CREB5: variants seen among roughly 807,000 people sequenced by gnomAD.
CREB5 encodes the protein cAMP responsive element binding protein 5.
CREB5 carries 19 observed loss-of-function variants against 57.1 expected under a neutral mutation model. The observed-to-expected ratio is 0.33, with a 90% CI of 0.23 to 0.49. The LOEUF is 0.49. Ranked by LOEUF, CREB5 falls within the 20% of genes least tolerant of loss-of-function variation. The pLI, the probability that CREB5 is intolerant of heterozygous loss-of-function variation, is 0.99. For synonymous variants in CREB5, 238 were observed against 238.3 expected (o/e 1.00, Z 0.01); for missense variants, 579 against 671.6 (o/e 0.86, Z 1.52).
chr7:28,768,040 A>G (rs1267626167), intron 7 of CREB5, among the ~76,000 whole-genome samples: 2 of 152,276 alleles, frequency 1.3e-5, no homozygotes. Flanking sequence ...TATCATTTAT[A>G]AAATCTAAGG....
intron 5 of CREB5, among the ~76,000 whole-genome samples, chr7:28,610,644 C>T (rs1401406532): frequency 1.3e-5 from 2 of 151,958 alleles, no homozygotes; most frequent in African/African-American, 2.4e-5. Flanking sequence ...TGCTAATGGC[C>T]CAGTAACCTA....
At chr7:28,609,411 C>G (rs1330583279) in intron 5 of CREB5, among the ~76,000 whole-genome samples, 1 of 152,040 alleles carries the variant, frequency 6.6e-6, no homozygotes, top group Non-Finnish European at 1.5e-5. Flanking sequence ...TTAACAAATG[C>G]CTGTTAAGAA....
chr7:28,435,723 G>T, intron 1 of CREB5: 1 of 934,564 alleles, frequency 1.1e-6, no homozygotes, highest in African/African-American at 1.8e-5. Flanking sequence ...TCGTGTGACA[G>T]ATGAACCAAA....
chr7:28,352,377 G>C (rs1382866113), intron 1 of CREB5, among the ~76,000 whole-genome samples: 1 of 152,190 alleles, frequency 6.6e-6, no homozygotes, highest in Admixed American at 6.5e-5. Context: ...TCTGCTTACA[G>C]TCCTCAGAGG....
chr7:28,416,352 A>G (rs570759349), intron 1 of CREB5, among the ~76,000 whole-genome samples: 1 of 152,318 alleles, frequency 6.6e-6, no homozygotes, highest in Admixed American at 6.5e-5. Context: ...CAACAACAAC[A>G]AAATTTTTGT....
chr7:28,301,051 A>G (rs967636540), intron 1 of CREB5, among the ~76,000 whole-genome samples: 18 of 152,222 alleles, frequency 1.2e-4, no homozygotes, highest in African/African-American at 3.1e-4. Flanking sequence ...GGTTCACAGT[A>G]GGATCTACAT....
intron 4 of CREB5, among the ~76,000 whole-genome samples, chr7:28,568,242 G>A (rs545981426): frequency 4.6e-5 from 7 of 152,226 alleles, no homozygotes; most frequent in South Asian, 4.1e-4. Context: ...TTTTCTTTGC[G>A]AATTTAAAGA....
intron 5 of CREB5, among the ~76,000 whole-genome samples, chr7:28,592,177 G>A (rs1260332356): frequency 6.6e-6 from 1 of 152,180 alleles, no homozygotes; most frequent in Non-Finnish European, 1.5e-5. Flanking sequence ...AGCTACATTT[G>A]GTGGGCTGTT....
intron 4 of CREB5, among the ~76,000 whole-genome samples, chr7:28,528,550 C>G (rs1288589756): frequency 6.6e-6 from 1 of 151,682 alleles, no homozygotes; most frequent in African/African-American, 2.4e-5. Context: ...ACTAAAAACA[C>G]AAAATTAGCC....
At chr7:28,521,643 A>G (rs1793211556) in intron 4 of CREB5, among the ~76,000 whole-genome samples, 1 of 152,244 alleles carries the variant, frequency 6.6e-6, no homozygotes, top group Non-Finnish European at 1.5e-5. Context: ...ATTTTAAAAC[A>G]GCAAATAGCT....
intron 1 of CREB5, among the ~76,000 whole-genome samples, chr7:28,481,394 T>G (rs923381980): frequency 1.3e-5 from 2 of 152,210 alleles, no homozygotes; most frequent in African/African-American, 4.8e-5. Flanking sequence ...CGCAGTGTTA[T>G]GTGTCAAGTT....
intron 1 of CREB5, among the ~76,000 whole-genome samples, chr7:28,343,976 T>A (rs560798124): frequency 2.9e-4 from 44 of 152,342 alleles, no homozygotes; most frequent in Middle Eastern, 3.4e-3. Flanking sequence ...TTTTTTCATA[T>A]ACCTGTTGGT....
intron 1 of CREB5, among the ~76,000 whole-genome samples, chr7:28,360,998 G>A (rs1170048756): frequency 6.6e-6 from 1 of 152,066 alleles, no homozygotes; most frequent in Non-Finnish European, 1.5e-5. Context: ...AGGGGCCAGG[G>A]ATGCTGCTGA....
intron 1 of CREB5, among the ~76,000 whole-genome samples, chr7:28,459,193 T>C (rs1790244732): frequency 6.6e-6 from 1 of 152,186 alleles, no homozygotes; most frequent in African/African-American, 2.4e-5. Context: ...CGCTCCTGTG[T>C]GTGTGTGCGG....
intron 1 of CREB5, among the ~76,000 whole-genome samples, chr7:28,466,315 T>C (rs1562736518): frequency 6.7e-6 from 1 of 149,916 alleles, no homozygotes; most frequent in East Asian, 2.0e-4. Context: ...CTATCTCTCA[T>C]CTGCTGCAAG....
chr7:28,412,314 G>A (rs1562699136), upstream of CREB5, among the ~76,000 whole-genome samples: 1 of 151,872 alleles, frequency 6.6e-6, no homozygotes, highest in Non-Finnish European at 1.5e-5. Flanking sequence ...GATTATCTCA[G>A]TAGCGATATT....
intron 1 of CREB5, among the ~76,000 whole-genome samples, chr7:28,363,363 G>C (rs16874535): frequency 2.0e-5 from 3 of 152,076 alleles, no homozygotes; most frequent in Non-Finnish European, 4.4e-5. Context: ...CTAATTTTGG[G>C]ATGCTGACCC....
intron 4 of CREB5, among the ~76,000 whole-genome samples, chr7:28,511,674 T>C (rs1378375341): frequency 1.3e-5 from 2 of 152,122 alleles, no homozygotes; most frequent in Non-Finnish European, 2.9e-5. Context: ...TTTGTAATGA[T>C]GGGGTTTCAC....
intron 3 of CREB5, among the ~76,000 whole-genome samples, chr7:28,501,890 G>A (rs1035927462): frequency 1.3e-5 from 2 of 152,150 alleles, no homozygotes; most frequent in South Asian, 2.1e-4. Context: ...CTTTGTCAGA[G>A]CATTGTCTAA....
Sources: gnomAD v4.1 joint callset for allele counts (sites outside exome capture counted in the v4.1 genomes callset) on GRCh38, gnomAD v4.1.1 for gene constraint, MANE v1.5 for transcripts, NCBI Gene and HGNC (gene_info 2026-07-23, HGNC 2026-07-21) for gene names.